Variants in PRKN observed in about 807,000 individuals in gnomAD.
The protein encoded by PRKN is parkin RBR E3 ubiquitin protein ligase.
Under a neutral mutation model 59.5 loss-of-function variants are expected in PRKN, and 56 were observed. That is an observed-to-expected ratio of 0.94 (90% confidence interval 0.76 to 1.18). The LOEUF is 1.18. PRKN is among the 50% of genes most tolerant of loss of function. The pLI, the probability that PRKN is intolerant of heterozygous loss-of-function variation, is 0.00. For missense variants in PRKN, 657 were observed against 596.4 expected, an observed-to-expected ratio of 1.10 and a Z score of -1.06; for synonymous variants, 250 against 222.1, an observed-to-expected ratio of 1.13 and a Z score of -1.12.
intron 6 of PRKN, among the ~76,000 whole-genome samples, chr6:161,921,242 C>T (rs1190991323): frequency 6.6e-6 from 1 of 152,156 alleles, no homozygotes; most frequent in Non-Finnish European, 1.5e-5. Flanking sequence ...TCACCATCTT[C>T]CACCCCCATA....
At chr6:162,131,666 A>G (rs973576208) in intron 4 of PRKN, among the ~76,000 whole-genome samples, 2 of 152,240 alleles carry the variant, frequency 1.3e-5, no homozygotes, top group Non-Finnish European at 2.9e-5. Context: ...TTAATTTTAA[A>G]AAGCCAGTAG....
Position 161,611,978 on chromosome 6 carries a change from T to A in PRKN, c.872-42562A>T, listed in dbSNP as rs530264080. On this transcript the variant is annotated intron_variant, in intron 7 of 11. Transcript: ENST00000366898. ...ATGGAGAAAGTTTGAGTGTTCTGGA[T>A]AGGAGATTAAACCAATCACAATACT... 2.6e-5 allele frequency among the ~76,000 whole-genome samples: 4 copies of A among 152,306 alleles called. No individual in the cohort carries two copies. In the East Asian group the frequency reaches 5.8e-4, roughly 22 times the overall value.
rs1222974664 is a variant in PRKN, at chr6:161,400,151, C to T, written c.1084-13274G>A. The stretch of plus-strand genomic sequence containing the variant: ...ATGCTGGCCACCACGCTGGACTGCG[C>T]AGGTCTACAAGGACCCTGCTGTCTG... On this transcript the variant is annotated intron_variant, in intron 9 of 11. Transcript: ENST00000366898. This position sits in a 1 kb window ranked among gnomAD's most constrained non-coding sequence, Gnocchi z 4.2. Among the ~76,000 whole-genome samples the T allele has an allele frequency of 6.6e-6, 1 of 151,980 alleles. No individual in the cohort carries two copies. Among genetic ancestry groups the T allele is most frequent in the East Asian group, 1.9e-4 (1 of 5,148 alleles).
chr6:162,475,787 TCGCAATCTCAGCTCACTGCAGTGG>T (rs919926988), intron 1 of PRKN, among the ~76,000 whole-genome samples: 3 of 152,262 alleles, frequency 2.0e-5, no homozygotes, highest in African/African-American at 4.8e-5. Context: ...TCTCGCTTTG[TCGCAATCTCAGCTCACTGCAGTGG>T]CGCAATCTCA....
chr6:161,585,546 T>A (rs1014473318), intron 7 of PRKN, among the ~76,000 whole-genome samples: 3 of 152,232 alleles, frequency 2.0e-5, no homozygotes, highest in Non-Finnish European at 4.4e-5. Context: ...ATTTTGTGTA[T>A]CTAACAATTA....
chr6:162,092,727 G>C (rs1779552006), intron 4 of PRKN, among the ~76,000 whole-genome samples: 1 of 152,180 alleles, frequency 6.6e-6, no homozygotes, highest in Non-Finnish European at 1.5e-5. Flanking sequence ...AAACGAGCAA[G>C]TTCTATACAA....
chr6:161,770,800 C>T (rs890308024), intron 7 of PRKN, among the ~76,000 whole-genome samples: 1 of 151,938 alleles, frequency 6.6e-6, no homozygotes, highest in Non-Finnish European at 1.5e-5. Context: ...TAACATGAGG[C>T]TATTGGTGTA....
chr6:162,118,013 T>G (rs548623576), intron 4 of PRKN, among the ~76,000 whole-genome samples: 1 of 152,078 alleles, frequency 6.6e-6, no homozygotes, highest in African/African-American at 2.4e-5. Flanking sequence ...GGAGAATTGC[T>G]TGAACCTGGG....
At chr6:162,340,105 C>G (rs1784102252) in intron 2 of PRKN, among the ~76,000 whole-genome samples, 1 of 144,904 alleles carries the variant, frequency 6.9e-6, no homozygotes, top group Admixed American at 6.9e-5. Context: ...CCAAATCCCC[C>G]TCTGTGAGAA....
chr6:161,403,073 T>C (rs1320376383), intron 9 of PRKN, among the ~76,000 whole-genome samples: 1 of 152,132 alleles, frequency 6.6e-6, no homozygotes, highest in East Asian at 1.9e-4. Context: ...TGAGGTGGCA[T>C]TTCCTGAACT....
intron 7 of PRKN, among the ~76,000 whole-genome samples, chr6:161,711,193 G>C (rs2128182444): frequency 6.6e-6 from 1 of 152,150 alleles, no homozygotes; most frequent in East Asian, 1.9e-4. Flanking sequence ...GCATTCCAAG[G>C]ACAAAAGACA....
At chr6:161,580,707 T>C (rs1215297717) in intron 7 of PRKN, among the ~76,000 whole-genome samples, 1 of 151,896 alleles carries the variant, frequency 6.6e-6, no homozygotes, top group African/African-American at 2.4e-5. Flanking sequence ...CTAAATTTCT[T>C]GATCTCATGA....
intron 7 of PRKN, among the ~76,000 whole-genome samples, chr6:161,713,464 C>T (rs1333943317): frequency 6.6e-6 from 1 of 152,110 alleles, no homozygotes; most frequent in Non-Finnish European, 1.5e-5. Flanking sequence ...TGAGTAAATG[C>T]ATTAGCATAA....
chr6:162,046,216 T>G (rs1381158260), intron 5 of PRKN, among the ~76,000 whole-genome samples: 1 of 152,312 alleles, frequency 6.6e-6, no homozygotes, highest in East Asian at 1.9e-4. Flanking sequence ...CACGTTTGGC[T>G]TTTGAATCAT....
intron 6 of PRKN, among the ~76,000 whole-genome samples, chr6:161,968,106 C>T (rs1279416964): frequency 2.0e-5 from 3 of 151,844 alleles, no homozygotes; most frequent in African/African-American, 7.3e-5. Flanking sequence ...GTGCAACTTC[C>T]GCCTCCCGGG....
chr6:161,833,114 G>A (rs10155686), intron 6 of PRKN, among the ~76,000 whole-genome samples: 49,286 of 152,028 alleles, frequency 0.32, 8,246 homozygotes, highest in South Asian at 0.39. Flanking sequence ...TGGAACAACC[G>A]GGAGGAAGGA....
chr6:161,594,733 C>CT (rs11383868), intron 7 of PRKN, among the ~76,000 whole-genome samples: 109,056 of 152,022 alleles, frequency 0.72, 40,347 homozygotes, highest in African/African-American at 0.91. Flanking sequence ...GACTGAATAA[C>CT]TGAACAACTA....
At chr6:162,075,148 AAT>A (rs1778765932) in intron 4 of PRKN, among the ~76,000 whole-genome samples, 1 of 152,172 alleles carries the variant, frequency 6.6e-6, no homozygotes, top group African/African-American at 2.4e-5. Flanking sequence ...CAGGCAGCAA[AAT>A]ATGTTTCTAG....
rs747524097 is a variant in PRKN at position 161,354,141 on chromosome 6, T to C, written c.1286-3930A>G. Among the ~76,000 whole-genome samples the C allele has an allele frequency of 1.3e-5, 2 of 152,172 alleles. No individual in the cohort carries two copies. Among genetic ancestry groups the C allele is most frequent in the Non-Finnish European group, 2.9e-5 (2 of 68,040 alleles). On this transcript the variant is annotated intron_variant, in intron 11 of 11. Transcript: ENST00000366898. The surrounding 1 kb of genome is among the most constrained non-coding windows in gnomAD (Gnocchi z 6.7). ...AGAATGGAAATGGGAAGAGAAGATA[T>C]TCACGTCATTAGCTTTCTTTTCTCC...
Sources: allele counts gnomAD v4.1 joint callset (sites outside exome capture counted in the v4.1 genomes callset), GRCh38; gene constraint gnomAD v4.1.1; non-coding constraint Gnocchi (gnomAD v3.1); transcripts MANE v1.5; gene names NCBI Gene and HGNC (gene_info 2026-07-23, HGNC 2026-07-21).